Variants in RNF41 observed in about 807,000 individuals in gnomAD.
The protein encoded by RNF41 is ring finger protein 41, also known as E3 ubiquitin-protein ligase NRDP1.
RNF41 carries 4 observed loss-of-function variants against 33.0 expected under a neutral mutation model. The observed-to-expected ratio is 0.12, with a 90% confidence interval of 0.06 to 0.28. The LOEUF (loss-of-function observed/expected upper bound fraction) is 0.28, where lower values mean the gene tolerates loss of function less well. Ranked by LOEUF, RNF41 falls within the 10% of genes least tolerant of loss-of-function variation. The pLI, the probability that RNF41 is intolerant of heterozygous loss-of-function variation, is 1.00. For missense variants in RNF41, 228 were observed against 432.6 expected (o/e 0.53, Z 4.19); for synonymous variants, 164 against 153.2 (o/e 1.07, Z -0.52).
At chr12:56,211,542 G>C (rs1565943017) in intron 3 of RNF41, among the ~76,000 whole-genome samples, 1 of 152,112 alleles carries the variant, frequency 6.6e-6, no homozygotes, top group Non-Finnish European at 1.5e-5. Context: ...ATGTCCAGAG[G>C]AGGGTGAGGT....
intron 1 of RNF41, among the ~76,000 whole-genome samples, chr12:56,221,029 A>G (rs943094083): frequency 3.9e-5 from 6 of 152,174 alleles, no homozygotes; most frequent in African/African-American, 1.4e-4. Context: ...CCTCAATAAC[A>G]GCCCCACTTG....
intron 6 of RNF41, chr12:56,207,203 G>C (rs943106550): frequency 7.5e-7 from 1 of 1,329,600 alleles, no homozygotes; most frequent in Admixed American, 2.2e-5. Context: ...CTCCAGAACT[G>C]AAAGAGATCT....
chr12:56,208,134 T>C, intron 5 of RNF41, 29 bp downstream of exon 5: 1 of 1,613,964 alleles, frequency 6.2e-7, no homozygotes, highest in Middle Eastern at 1.7e-4. Context: ...ATATGAGGGA[T>C]ATGTTCTCCC....
At chr12:56,215,513 G>A (rs946416699) in intron 2 of RNF41, among the ~76,000 whole-genome samples, 2 of 151,968 alleles carry the variant, frequency 1.3e-5, no homozygotes, top group Non-Finnish European at 2.9e-5. Context: ...GAGGTCAAGA[G>A]ATCAACACCA....
At chr12:56,219,929 G>T (rs1193755239) in intron 1 of RNF41, among the ~76,000 whole-genome samples, 1 of 151,568 alleles carries the variant, frequency 6.6e-6, no homozygotes, top group Admixed American at 6.6e-5. Context: ...AAGGGGGAAG[G>T]TCAACTGAGC....
At chr12:56,217,095 G>A (rs1187385968) in intron 1 of RNF41, among the ~76,000 whole-genome samples, 6 of 149,576 alleles carry the variant, frequency 4.0e-5, no homozygotes, top group Non-Finnish European at 7.4e-5. Flanking sequence ...AGCCGAGACC[G>A]CGCCACCGCA....
Sources: allele counts gnomAD v4.1 joint callset (sites outside exome capture counted in the v4.1 genomes callset), GRCh38; gene constraint gnomAD v4.1.1; transcripts MANE v1.5; gene names NCBI Gene and HGNC (gene_info 2026-07-23, HGNC 2026-07-21).